UPP2: variants seen among roughly 807,000 people sequenced by gnomAD.
The protein encoded by UPP2 is UPase 2.
UPP2 carries 23 observed loss-of-function variants against 26.7 expected under a neutral mutation model. The ratio of observed to expected loss-of-function variants is 0.86; its 90% CI spans 0.62 to 1.22. The LOEUF is 1.22. UPP2 is among the 50% of genes most tolerant of loss of function. UPP2 has a pLI of 0.00. For synonymous variants in UPP2, 127 were observed against 141.3 expected, an observed-to-expected ratio of 0.90 and a Z score of 0.72; for missense variants, 387 against 396.7, an observed-to-expected ratio of 0.98 and a Z score of 0.21.
intron 6 of UPP2, chr2:158,126,371 T>G (rs1683694861): frequency 6.6e-6 from 1 of 152,218 alleles, no homozygotes; most frequent in Middle Eastern, 3.2e-3. Context: ...AGTAGACCCC[T>G]TCTAGGCTGC....
intron 3 of UPP2, among the ~76,000 whole-genome samples, chr2:158,062,649 A>G (rs1486905579): frequency 2.0e-5 from 3 of 152,228 alleles, no homozygotes; most frequent in Admixed American, 6.5e-5. Flanking sequence ...TTTTTACACT[A>G]TCCCTTGGGT....
chr2:158,072,783 A>C (rs1682564194), intron 3 of UPP2, among the ~76,000 whole-genome samples: 1 of 152,226 alleles, frequency 6.6e-6, no homozygotes, highest in African/African-American at 2.4e-5. Context: ...TAACTCAATG[A>C]GTCTATAAGA....
chr2:158,053,566 T>C (rs1682192811), intron 3 of UPP2, among the ~76,000 whole-genome samples: 1 of 152,164 alleles, frequency 6.6e-6, no homozygotes, highest in African/African-American at 2.4e-5. Context: ...TCTATAACCA[T>C]TCGTAGAACA....
chr2:158,032,779 T>C (rs1178384045), intron 3 of UPP2, among the ~76,000 whole-genome samples: 2 of 152,198 alleles, frequency 1.3e-5, no homozygotes, highest in Non-Finnish European at 2.9e-5. Flanking sequence ...AGTTCCAGGT[T>C]ATTGAAGTAA....
chr2:158,116,007 C>G lies in UPP2; in HGVS notation c.339+748C>G, dbSNP rs74747055. Among the ~76,000 whole-genome samples, 1,493 of 152,312 alleles carry G rather than the reference C, an allele frequency of 9.8e-3. 23 individuals carry two copies. The highest frequency in any genetic ancestry group is 0.034 in the African/African-American group (1,410 of 41,560). On this transcript the variant is annotated intron_variant, in intron 3 of 6. Transcript: ENST00000005756. Reference sequence around the variant, plus strand: ...GGGGACAGGGGAAGAGTCTCCTGCACAGGGTGGCAATTCTAAGGAACTAAG... The same window carrying G: ...GGGGACAGGGGAAGAGTCTCCTGCAGAGGGTGGCAATTCTAAGGAACTAAG...
intron 6 of UPP2, among the ~76,000 whole-genome samples, chr2:158,130,553 C>G (rs1385830436): frequency 6.6e-6 from 1 of 151,822 alleles, no homozygotes; most frequent in African/African-American, 2.4e-5. Context: ...AAATGTTAAA[C>G]TTAAATGAAA....
Position 158,135,240 on chromosome 2 carries a change from A to G in UPP2, c.*350A>G, listed in dbSNP as rs150006086. 1.0e-3 allele frequency: 171 copies of G among 166,370 alleles called. 2 individuals carry two copies. Among genetic ancestry groups the G allele is most frequent in the South Asian group, 2.1e-3 (12 of 5,624 alleles). 10.3% of individuals were successfully genotyped at this position (166,370 alleles called of 1,614,324 possible). On this transcript the variant is annotated 3_prime_UTR_variant, in exon 7 of 7. Coordinates refer to ENST00000005756, the MANE Select transcript of UPP2 (RefSeq NM_173355.4). Reference sequence around the variant, plus strand: ...ACCAGTCACTCTGTTTCTGAAACCAATCCAGAAATTCATGTTAGAACATTG... The same window carrying G: ...ACCAGTCACTCTGTTTCTGAAACCAGTCCAGAAATTCATGTTAGAACATTG...
At position 157,996,430 on chromosome 2, in the gene UPP2, CT is replaced by C. The variant is rs1315098496; in HGVS notation, c.61+1177del. On this transcript the variant is annotated intron_variant, in intron 2 of 9. Transcript: ENST00000605860. ...TACTCCCTATTGAATAAATGTATGG[CT>C]TTTTTCCAATCTGAAGTCAGTGTTA... Among the ~76,000 whole-genome samples the C allele has an allele frequency of 4.6e-5, 7 of 152,062 alleles. No individual in the cohort carries two copies. The South Asian group carries it at 8.3e-4, about 18-fold the overall frequency.
At chr2:158,055,124 C>A (rs748756771) in intron 3 of UPP2, among the ~76,000 whole-genome samples, 1 of 152,158 alleles carries the variant, frequency 6.6e-6, no homozygotes, top group East Asian at 1.9e-4. Context: ...TTCTGGAGGC[C>A]GGAAAGTCCA....
At chr2:158,079,838 G>A (rs376449679) in intron 3 of UPP2, among the ~76,000 whole-genome samples, 45 of 152,210 alleles carry the variant, frequency 3.0e-4, no homozygotes, top group African/African-American at 1.1e-3. Flanking sequence ...TATATAATCA[G>A]TGTTAACAAA....
intron 3 of UPP2, among the ~76,000 whole-genome samples, chr2:158,036,493 T>C (rs1267329004): frequency 2.6e-5 from 4 of 152,210 alleles, no homozygotes; most frequent in Admixed American, 6.5e-5. Context: ...TGTGGGCCTA[T>C]TGTGTGCCAT....
intron 2 of UPP2, 126 bp from the exon 3 acceptor site, chr2:158,114,975 C>A: frequency 1.1e-6 from 1 of 882,172 alleles, no homozygotes; most frequent in Non-Finnish European, 1.6e-6. Flanking sequence ...GGAACATAAA[C>A]CATGACATCT....
At chr2:158,068,804 T>TA (rs1682489452) in intron 3 of UPP2, among the ~76,000 whole-genome samples, 44 of 14,528 alleles carry the variant, frequency 3.0e-3, no homozygotes, top group East Asian at 0.017. Flanking sequence ...ATATATATAT[T>TA]TTTTTTTTTT....
chr2:158,049,828 G>C (rs989903449), intron 3 of UPP2, among the ~76,000 whole-genome samples: 1 of 152,156 alleles, frequency 6.6e-6, no homozygotes, highest in Admixed American at 6.5e-5. Flanking sequence ...TTTTACACTA[G>C]TTTCTTATGA....
At chr2:158,019,852 C>A (rs1227332942) in intron 3 of UPP2, among the ~76,000 whole-genome samples, 1 of 152,032 alleles carries the variant, frequency 6.6e-6, no homozygotes, top group Non-Finnish European at 1.5e-5. Flanking sequence ...AGTGATAGAT[C>A]TGTATCCTGA....
At chr2:158,026,484 C>T (rs866749826) in intron 3 of UPP2, among the ~76,000 whole-genome samples, 13 of 152,088 alleles carry the variant, frequency 8.5e-5, no homozygotes, top group East Asian at 3.9e-4. Context: ...TAAGAACGAG[C>T]GTCTCTCTAG....
chr2:158,000,064 C>A (rs1022183170), intron 2 of UPP2, among the ~76,000 whole-genome samples: 6 of 145,482 alleles, frequency 4.1e-5, no homozygotes, highest in Admixed American at 2.0e-4. Context: ...TTGTGCCTTT[C>A]AAATTTTTTT....
At chr2:158,002,036 G>C (rs1358902984) in intron 2 of UPP2, among the ~76,000 whole-genome samples, 1 of 151,324 alleles carries the variant, frequency 6.6e-6, no homozygotes, top group African/African-American at 2.4e-5. Context: ...ATGGAAGGAG[G>C]CTACGGGGGC....
chr2:158,037,782 G>T (rs760343941), intron 3 of UPP2, among the ~76,000 whole-genome samples: 3 of 136,184 alleles, frequency 2.2e-5, no homozygotes, highest in Non-Finnish European at 4.6e-5. Context: ...CATCTGCAAC[G>T]ACCCTATTTC....
Sources: allele counts gnomAD v4.1 joint callset (sites outside exome capture counted in the v4.1 genomes callset), GRCh38; gene constraint gnomAD v4.1.1; transcripts MANE v1.5; gene names NCBI Gene and HGNC (gene_info 2026-07-23, HGNC 2026-07-21).